The following LIN9 variants were observed in gnomAD, a reference collection of about 807,000 sequenced individuals.
LIN9 encodes the protein protein lin-9 homolog.
A neutral mutation model predicts 78.0 loss-of-function variants in LIN9; 18 were observed. That is an observed-to-expected ratio of 0.23 (90% confidence interval 0.16 to 0.34). The LOEUF (loss-of-function observed/expected upper bound fraction) is 0.34. Among genes scored for constraint, LIN9 ranks in the 10% least tolerant of loss-of-function variants. LIN9 has a pLI of 1.00. For missense variants in LIN9, 451 were observed against 644.1 expected (o/e 0.70, Z 3.25); for synonymous variants, 192 against 215.2 (o/e 0.89, Z 0.94).
chr1:226,252,781 A>C (rs1430733579), intron 10 of LIN9, among the ~76,000 whole-genome samples: 1 of 152,094 alleles, frequency 6.6e-6, no homozygotes, highest in Non-Finnish European at 1.5e-5. Context: ...AACCTGGCCA[A>C]CATAGTAAAA....
intron 4 of LIN9, among the ~76,000 whole-genome samples, chr1:226,290,177 T>A (rs959064492): frequency 2.6e-5 from 4 of 151,976 alleles, no homozygotes; most frequent in African/African-American, 9.7e-5. Context: ...AAAATTCTTA[T>A]AAACTAGTAA....
intron 12 of LIN9, among the ~76,000 whole-genome samples, chr1:226,235,376 G>GA (rs1237738181): frequency 6.5e-5 from 9 of 139,400 alleles, no homozygotes; most frequent in African/African-American, 2.1e-4. Flanking sequence ...GCCACCAAGA[G>GA]AAAAAATTCT....
At chr1:226,280,660 A>C (rs144372357) in intron 6 of LIN9, among the ~76,000 whole-genome samples, 206 of 152,266 alleles carry the variant, frequency 1.4e-3, no homozygotes, top group African/African-American at 4.7e-3. Flanking sequence ...CTGTAATCCC[A>C]GCTACTTGAG....
At position 226,239,602 on chromosome 1, in the gene LIN9, AAT is replaced by A. The variant is rs150490106; in HGVS notation, c.1120-508_1120-507del. Among the ~76,000 whole-genome samples, 142 of 152,300 alleles carry A rather than the reference AAT, an allele frequency of 9.3e-4. 1 individual carries two copies. The East Asian group carries it at 0.022, about 24-fold the overall frequency. On this transcript the variant is annotated intron_variant, in intron 11 of 14. Transcript: ENST00000681046. The stretch of plus-strand genomic sequence containing the variant: ...CTGTGTGATGTTAAGGAAGTTTCTT[AAT>A]CTCTCTGTGCCTCATGTTCCTCAAC...
intron 11 of LIN9, among the ~76,000 whole-genome samples, chr1:226,240,802 A>T (rs1379700739): frequency 6.6e-6 from 1 of 152,198 alleles, no homozygotes; most frequent in Non-Finnish European, 1.5e-5. Context: ...CTCCTGTCTC[A>T]GCCTCCCAAG....
intron 7 of LIN9, among the ~76,000 whole-genome samples, chr1:226,275,453 T>C (rs1660583385): frequency 6.6e-6 from 1 of 152,034 alleles, no homozygotes; most frequent in African/African-American, 2.4e-5. Context: ...CCCAGCACTT[T>C]GGGAGGCCGA....
At chr1:226,250,585 G>A (rs889601665) in intron 11 of LIN9, among the ~76,000 whole-genome samples, 5 of 152,152 alleles carry the variant, frequency 3.3e-5, no homozygotes, top group East Asian at 1.9e-4. Flanking sequence ...ACAGGGTCTC[G>A]CTATCACCCA....
At position 226,277,818 on chromosome 1, in the gene LIN9, T is replaced by C. The variant is rs780901225; in HGVS notation, c.639A>G (p.Pro213=). 3.7e-6 allele frequency: 6 copies of C among 1,613,816 alleles called. No individual in the cohort carries two copies. Among genetic ancestry groups the C allele is most frequent in the Non-Finnish European group, 5.1e-6 (6 of 1,179,930 alleles). ...VADVSQFKDL[P]DEIPLPLVIG... is the part of the protein sequence containing the mutation. ...TAACCAGAGGCAAAGGAATTTCATC[T>C]GGGAGATCTTTGAATTGTGAAACAT... is the stretch of plus-strand genomic sequence containing the variant. The change falls in exon 7 of 15, where the codon CCA becomes CCG. Residue 213 remains proline, a synonymous_variant. Coordinates refer to ENST00000681046, the MANE Select transcript of LIN9 (RefSeq NM_001366245.2).
At chr1:226,251,250 C>T (rs578194604) in intron 10 of LIN9, among the ~76,000 whole-genome samples, 42 of 141,350 alleles carry the variant, frequency 3.0e-4, no homozygotes, top group Middle Eastern at 4.0e-3. Context: ...TTTTTGGAGA[C>T]GGAGTCTTGC....
At chr1:226,241,700 T>C (rs1658123949) in intron 11 of LIN9, among the ~76,000 whole-genome samples, 1 of 151,748 alleles carries the variant, frequency 6.6e-6, no homozygotes. Context: ...CTACTAAAAA[T>C]ACAAAAAATT....
chr1:226,236,628 T>G (rs1433004672), intron 12 of LIN9, among the ~76,000 whole-genome samples: 1 of 152,080 alleles, frequency 6.6e-6, no homozygotes, highest in Non-Finnish European at 1.5e-5. Flanking sequence ...GCTAATTTTT[T>G]TTGTATTTTT....
intron 10 of LIN9, among the ~76,000 whole-genome samples, chr1:226,260,640 T>C (rs919933016): frequency 5.3e-4 from 64 of 120,454 alleles, no homozygotes; most frequent in African/African-American, 2.1e-3. Flanking sequence ...TTTTTTTTTT[T>C]TTTTTTTTTT....
At chr1:226,256,064 T>G (rs1659171404) in intron 10 of LIN9, among the ~76,000 whole-genome samples, 1 of 151,852 alleles carries the variant, frequency 6.6e-6, no homozygotes, top group Admixed American at 6.6e-5. Context: ...CATATCATAT[T>G]CAAACTACAG....
At chr1:226,248,301 G>A (rs1267373794) in intron 11 of LIN9, among the ~76,000 whole-genome samples, 2 of 152,092 alleles carry the variant, frequency 1.3e-5, no homozygotes, top group African/African-American at 4.8e-5. Flanking sequence ...GCCAACTCTG[G>A]ATCTAGGGCC....
In LIN9 at chr1:226,259,848, T is replaced by C. The variant is rs111244074; in HGVS notation, c.1038+5685A>G. On this transcript the variant is annotated intron_variant, in intron 10 of 14. Transcript: ENST00000681046. ...AGACTTAAAATCAGTAATTTAAGCT[T>C]CCACCTTAGGAAACTAAAAAAAAAA... 4.0e-5 allele frequency among the ~76,000 whole-genome samples: 6 copies of C among 151,646 alleles called. 1 individual carries two copies. The highest frequency in any genetic ancestry group is 1.4e-4 in the African/African-American group (6 of 41,384).
At chr1:226,233,644 G>T in intron 12 of LIN9, 121 bp from the exon 13 acceptor site, 1 of 600,310 alleles carries the variant, frequency 1.7e-6, no homozygotes, top group Non-Finnish European at 2.5e-6. Context: ...AACTAAAGTG[G>T]TACTCTTACC....
chr1:226,289,105 T>C (rs1331124385), intron 4 of LIN9, among the ~76,000 whole-genome samples: 2 of 151,958 alleles, frequency 1.3e-5, no homozygotes, highest in Admixed American at 1.3e-4. Flanking sequence ...GCGTGGTGGC[T>C]GTGCCTGTAG....
intron 10 of LIN9, among the ~76,000 whole-genome samples, chr1:226,251,141 C>T (rs1658809428): frequency 6.6e-6 from 1 of 152,116 alleles, no homozygotes; most frequent in Non-Finnish European, 1.5e-5. Context: ...ACTGCAACCT[C>T]TGCCTCCCAG....
At chr1:226,268,513 T>C (rs980550057) in intron 7 of LIN9, among the ~76,000 whole-genome samples, 3 of 152,220 alleles carry the variant, frequency 2.0e-5, no homozygotes, top group African/African-American at 4.8e-5. Context: ...GAAAACCTCC[T>C]TGCAAGGTTG....
Sources: allele counts gnomAD v4.1 joint callset (sites outside exome capture counted in the v4.1 genomes callset), GRCh38; gene constraint gnomAD v4.1.1; transcripts MANE v1.5; gene names NCBI Gene and HGNC (gene_info 2026-07-23, HGNC 2026-07-21).